Variants in KCTD8 observed in about 807,000 individuals in gnomAD.
KCTD8 encodes BTB/POZ domain-containing protein KCTD8.
Under a neutral mutation model 31.5 loss-of-function variants are expected in KCTD8, and 27 were observed. That is an observed-to-expected ratio of 0.86 (90% CI 0.63 to 1.18). The LOEUF is 1.18. Ranked by LOEUF, KCTD8 falls within the 50% of genes most tolerant of loss-of-function variation. KCTD8 has a pLI of 0.00. For missense variants in KCTD8, 658 were observed against 647.7 expected (o/e 1.02, Z -0.17); for synonymous variants, 290 against 280.0 (o/e 1.04, Z -0.36).
At chr4:44,335,273 A>G (rs1560429183) in intron 1 of KCTD8, among the ~76,000 whole-genome samples, 10 of 152,178 alleles carry the variant, frequency 6.6e-5, no homozygotes, top group Admixed American at 6.5e-5. Context: ...TGAAAAGACT[A>G]TTAGCCACGG....
At chr4:44,286,728 T>TTCTC (rs1365669487) in intron 1 of KCTD8, among the ~76,000 whole-genome samples, 1 of 152,140 alleles carries the variant, frequency 6.6e-6, no homozygotes, top group African/African-American at 2.4e-5. Context: ...TGACATGATC[T>TTCTC]TCTCTGTGTT....
At position 44,174,742 on chromosome 4, in the gene KCTD8, G is replaced by C. The variant is rs778008131; in HGVS notation, c.*48C>G. The stretch of plus-strand genomic sequence containing the variant: ...AGGACATCAGTCAGGTGGTGACACT[G>C]TAGTAAACATTGAATGTCATCAAAA... On this transcript the variant is annotated 3_prime_UTR_variant, in exon 2 of 2. Transcript: ENST00000360029. 2.9e-6 allele frequency: 4 copies of C among 1,386,978 alleles called. No homozygotes were observed. The East Asian group carries it at 6.8e-5, about 24-fold the overall frequency. 85.9% of individuals were successfully genotyped at this position (1,386,978 alleles called of 1,614,324 possible).
chr4:44,219,546 CT>C (rs1168876791), intron 1 of KCTD8, among the ~76,000 whole-genome samples: 3 of 152,076 alleles, frequency 2.0e-5, no homozygotes, highest in Non-Finnish European at 4.4e-5. Context: ...AGTTATACAC[CT>C]GAAAGTCAAG....
Position 44,416,008 on chromosome 4 carries a change from G to C in KCTD8, c.961+31555C>G, listed in dbSNP as rs527279150. Among the ~76,000 whole-genome samples the C allele has an allele frequency of 2.8e-4, 42 of 152,318 alleles. No homozygotes were observed. In the Middle Eastern group the frequency reaches 0.014, roughly 49 times the overall value. On this transcript the variant is annotated intron_variant, in intron 1 of 1. Coordinates refer to ENST00000360029, the MANE Select transcript of KCTD8 (RefSeq NM_198353.3). ...GCCAGCACTCAACTCCAACCCATGAGAGCAGCCACATGGGCTGTACCCTGA... is the reference window on the plus strand; with the variant it reads ...GCCAGCACTCAACTCCAACCCATGACAGCAGCCACATGGGCTGTACCCTGA...
At chr4:44,396,016 A>G (rs1324147552) in intron 1 of KCTD8, among the ~76,000 whole-genome samples, 1 of 152,116 alleles carries the variant, frequency 6.6e-6, no homozygotes, top group Non-Finnish European at 1.5e-5. Context: ...TGCGGTATAT[A>G]ATGAAATAAT....
chr4:44,259,566 G>A (rs1294533526), intron 1 of KCTD8, among the ~76,000 whole-genome samples: 2 of 151,858 alleles, frequency 1.3e-5, no homozygotes, highest in African/African-American at 4.8e-5. Flanking sequence ...ATCTCTCAAG[G>A]TGAAAATGTA....
chr4:44,373,713 C>T (rs1293102880), intron 1 of KCTD8, among the ~76,000 whole-genome samples: 2 of 152,056 alleles, frequency 1.3e-5, no homozygotes. Context: ...AAATGAAAAA[C>T]ATCATTAACA....
chr4:44,266,139 G>A (rs1416393686), intron 1 of KCTD8, among the ~76,000 whole-genome samples: 10 of 152,146 alleles, frequency 6.6e-5, no homozygotes, highest in Non-Finnish European at 1.3e-4. Context: ...AGAGCAGCCA[G>A]AGAGAAAGGT....
At chr4:44,363,308 G>T (rs1279021507) in intron 1 of KCTD8, among the ~76,000 whole-genome samples, 5 of 147,322 alleles carry the variant, frequency 3.4e-5, no homozygotes, top group African/African-American at 1.3e-4. Flanking sequence ...TTATTCTAAG[G>T]TTAAAGAGGG....
chr4:44,200,086 G>A (rs534874389), intron 1 of KCTD8, among the ~76,000 whole-genome samples: 1 of 151,670 alleles, frequency 6.6e-6, no homozygotes, highest in Non-Finnish European at 1.5e-5. Context: ...AAATATACAA[G>A]CTCCCAAGAT....
Position 44,446,981 on chromosome 4 carries a change from C to CGA in KCTD8, c.961+581_961+582insTC, listed in dbSNP as rs1334192270. 6.5e-3 allele frequency among the ~76,000 whole-genome samples: 966 copies of CGA among 149,670 alleles called. 10 individuals are homozygous for CGA. Among genetic ancestry groups the CGA allele is most frequent in the African/African-American group, 0.021 (878 of 41,410 alleles). ...CCCCACACCCGCTCTCATGCCCCCG[C>CGA]CCCCTCGAGGGGCTCTGGGGGCACC... is the stretch of plus-strand genomic sequence containing the variant. On this transcript the variant is annotated intron_variant, in intron 1 of 1. Coordinates refer to ENST00000360029, the MANE Select transcript of KCTD8 (RefSeq NM_198353.3).
chr4:44,396,518 G>A (rs575150603), intron 1 of KCTD8, among the ~76,000 whole-genome samples: 1 of 151,498 alleles, frequency 6.6e-6, no homozygotes, highest in South Asian at 2.1e-4. Flanking sequence ...TCTTCTTAAA[G>A]TCAGGTCAGA....
intron 1 of KCTD8, among the ~76,000 whole-genome samples, chr4:44,343,868 TTTTG>T (rs1718969664): frequency 1.3e-5 from 2 of 152,064 alleles, no homozygotes; most frequent in African/African-American, 2.4e-5. Context: ...GTTTGTTTTG[TTTTG>T]TTTTTGAGAC....
chr4:44,177,125 G>T (rs1050596924), intron 1 of KCTD8, among the ~76,000 whole-genome samples: 2 of 152,138 alleles, frequency 1.3e-5, no homozygotes, highest in African/African-American at 4.8e-5. Context: ...AAAATGCACT[G>T]CTAACACTCT....
In KCTD8 at chr4:44,292,066, T is replaced by C. The variant is rs146674307; in HGVS notation, c.962-116816A>G. Among the ~76,000 whole-genome samples the C allele has an allele frequency of 7.6e-3, 1,154 of 151,362 alleles. 11 individuals carry two copies. Among genetic ancestry groups the C allele is most frequent in the Middle Eastern group, 0.042 (12 of 286 alleles). On this transcript the variant is annotated intron_variant, in intron 1 of 1. Transcript: ENST00000360029. ...GTTATTCATCCACTGCGGAAAGCAG[T>C]ACGCAGATTTAGTGAAGAACGTGAA... is the stretch of plus-strand genomic sequence containing the variant.
At chr4:44,314,690 T>G (rs187491321) in intron 1 of KCTD8, among the ~76,000 whole-genome samples, 6 of 152,178 alleles carry the variant, frequency 3.9e-5, no homozygotes, top group Admixed American at 2.6e-4. Context: ...ACAGCAGGGA[T>G]CATATCATAT....
intron 1 of KCTD8, among the ~76,000 whole-genome samples, chr4:44,256,198 T>C (rs1483786604): frequency 6.6e-6 from 1 of 151,844 alleles, no homozygotes; most frequent in Non-Finnish European, 1.5e-5. Context: ...ACGTGAGAAT[T>C]ATGAGAGCTA....
rs753414631 is a variant in KCTD8, at chr4:44,448,507, G to C, written c.17C>G (p.Thr6Arg). The change falls in exon 1 of 2, where the codon ACG becomes AGG. Residue 6 changes from threonine to arginine, a missense_variant. Physicochemically the swap from Thr to Arg is moderately conservative, Grantham distance 71 (BLOSUM62 -1). Coordinates refer to ENST00000360029, the MANE Select transcript of KCTD8 (RefSeq NM_198353.3). This position sits in a 1 kb window ranked among gnomAD's most constrained non-coding sequence, Gnocchi z 4.1. Reference protein sequence around the residue: MALKDTGSGGSTILPI... With the variant: MALKDRGSGGSTILPI... ...CAGGATGGTGCTGCCGCCGCTGCCC[G>C]TGTCCTTCAGAGCCATAGTCCCCCC... is the stretch of plus-strand genomic sequence containing the variant. The C allele has an allele frequency of 1.1e-5, 16 of 1,488,338 alleles. No homozygotes were observed. The highest frequency in any genetic ancestry group is 1.4e-5 in the African/African-American group (1 of 70,126). The allele number at this position is 1,488,338 out of a possible 1,614,324, so 92.2% of individuals were successfully genotyped here.
At chr4:44,385,949 AG>A (rs1040006407) in intron 1 of KCTD8, among the ~76,000 whole-genome samples, 19 of 151,634 alleles carry the variant, frequency 1.3e-4, no homozygotes, top group African/African-American at 4.3e-4. Context: ...GCACATGAAA[AG>A]ATGCTCAGCA....
Sources: allele counts gnomAD v4.1 joint callset (sites outside exome capture counted in the v4.1 genomes callset), GRCh38; gene constraint gnomAD v4.1.1; non-coding constraint Gnocchi (gnomAD v3.1); transcripts MANE v1.5; gene names NCBI Gene and HGNC (gene_info 2026-07-23, HGNC 2026-07-21).